Variants in ATL2 observed in about 807,000 individuals in gnomAD.
ATL2 encodes the protein atlastin-2.
Under a neutral mutation model 73.9 loss-of-function variants are expected in ATL2, and 31 were observed. The ratio of observed to expected loss-of-function variants is 0.42; its 90% CI spans 0.32 to 0.57. The LOEUF (loss-of-function observed/expected upper bound fraction) is 0.57, where lower values mean the gene tolerates loss of function less well. ATL2 is among the 20% of genes least tolerant of loss of function. ATL2 has a pLI of 0.14. For synonymous variants in ATL2, 291 were observed against 237.5 expected (o/e 1.23, Z -2.07); for missense variants, 738 against 702.6 (o/e 1.05, Z -0.57).
At chr2:38,340,849 C>T (rs141400642) in intron 2 of ATL2, among the ~76,000 whole-genome samples, 1 of 152,230 alleles carries the variant, frequency 6.6e-6, no homozygotes, top group African/African-American at 2.4e-5. Context: ...TAGGGCAATA[C>T]TATAAATGAA....
intron 1 of ATL2, among the ~76,000 whole-genome samples, chr2:38,363,288 C>G (rs1671114790): frequency 6.6e-6 from 1 of 151,144 alleles, no homozygotes; most frequent in Non-Finnish European, 1.5e-5. Context: ...GCTGAATAAA[C>G]TCAGATCTGA....
chr2:38,311,303 G>T (rs1667745017), intron 7 of ATL2, among the ~76,000 whole-genome samples: 1 of 151,934 alleles, frequency 6.6e-6, no homozygotes, highest in African/African-American at 2.4e-5. Context: ...AAGGGAAACT[G>T]CCATGTATTA....
At chr2:38,349,224 G>GT in intron 1 of ATL2, among the ~76,000 whole-genome samples, 1 of 152,140 alleles carries the variant, frequency 6.6e-6, no homozygotes, top group Admixed American at 6.5e-5. Context: ...ACATGCACAC[G>GT]TATGTTCGTT....
At chr2:38,324,987 A>T (rs1422678871) in intron 2 of ATL2, among the ~76,000 whole-genome samples, 1 of 152,208 alleles carries the variant, frequency 6.6e-6, no homozygotes, top group Non-Finnish European at 1.5e-5. Context: ...ATGTGAACAG[A>T]CTTAGTGCCA....
At chr2:38,319,916 T>G (rs1668227267) in intron 2 of ATL2, among the ~76,000 whole-genome samples, 1 of 152,152 alleles carries the variant, frequency 6.6e-6, no homozygotes, top group African/African-American at 2.4e-5. Context: ...GAGACCAGCC[T>G]GGCCAACATG....
In ATL2 at chr2:38,304,744, T is replaced by G. The variant is rs145240395; in HGVS notation, c.1072-4416A>C. ...CAGTGTTATCAGTTTAAAATAAATA[T>G]ATTATAGTTGCAAACCTCATGGTAA... On this transcript the variant is annotated intron_variant, in intron 9 of 12. Coordinates refer to ENST00000378954, the MANE Select transcript of ATL2 (RefSeq NM_001135673.4). 5.4e-3 allele frequency among the ~76,000 whole-genome samples: 822 copies of G among 152,256 alleles called. 3 individuals carry two copies. Among genetic ancestry groups the G allele is most frequent in the African/African-American group, 0.018 (748 of 41,544 alleles).
intron 1 of ATL2, among the ~76,000 whole-genome samples, chr2:38,347,736 T>C (rs1161423974): frequency 6.6e-6 from 1 of 151,802 alleles, no homozygotes; most frequent in Non-Finnish European, 1.5e-5. Context: ...AATTTAAGCA[T>C]TTTACTCAGG....
chr2:38,336,658 G>C (rs900637018), intron 2 of ATL2, among the ~76,000 whole-genome samples: 7 of 152,148 alleles, frequency 4.6e-5, no homozygotes, highest in African/African-American at 1.7e-4. Flanking sequence ...ATAGTTTTTA[G>C]AATAAAGGCT....
chr2:38,295,164 A>G lies in ATL2; in HGVS notation c.*830T>C, dbSNP rs957205179. ...AGGACCAGATTTTGCCATAAACTAC[A>G]AAACTTTTAATACAAAATCGTATTT... On this transcript the variant is annotated 3_prime_UTR_variant, in exon 13 of 13. Coordinates refer to ENST00000378954, the MANE Select transcript of ATL2 (RefSeq NM_001135673.4). 2 of 152,246 alleles carry G rather than the reference A, an allele frequency of 1.3e-5. No individual in the cohort carries two copies. Among genetic ancestry groups the G allele is most frequent in the African/African-American group, 4.8e-5 (2 of 41,456 alleles). 9.4% of individuals were successfully genotyped at this position (152,246 alleles called of 1,614,324 possible).
intron 7 of ATL2, among the ~76,000 whole-genome samples, chr2:38,311,607 A>T (rs530929929): frequency 1.1e-3 from 163 of 152,316 alleles, no homozygotes; most frequent in African/African-American, 3.8e-3. Flanking sequence ...ACTCAAATAC[A>T]TTCTGTATGT....
intron 2 of ATL2, among the ~76,000 whole-genome samples, chr2:38,327,164 A>T (rs1322696764): frequency 6.6e-6 from 1 of 152,186 alleles, no homozygotes; most frequent in Non-Finnish European, 1.5e-5. Flanking sequence ...TGTCGCCAAT[A>T]CGTCAGCAAA....
At chr2:38,371,578 GA>G (rs372346197) in intron 1 of ATL2, among the ~76,000 whole-genome samples, 3,640 of 146,904 alleles carry the variant, frequency 0.025, 58 homozygotes, top group African/African-American at 0.029. Context: ...CACTGGGAAG[GA>G]AAAAAAAAAA....
chr2:38,306,475 A>G (rs1667454183), intron 9 of ATL2, among the ~76,000 whole-genome samples: 1 of 152,242 alleles, frequency 6.6e-6, no homozygotes, highest in African/African-American at 2.4e-5. Flanking sequence ...CACTGTTGCA[A>G]AAATCCTCAA....
At chr2:38,365,303 C>T (rs1256921407) in intron 1 of ATL2, among the ~76,000 whole-genome samples, 2 of 152,114 alleles carry the variant, frequency 1.3e-5, no homozygotes, top group African/African-American at 4.8e-5. Flanking sequence ...GAAATTTAGA[C>T]ACTAAGTTCC....
Position 38,367,110 on chromosome 2 carries a change from G to A in ATL2, c.118+10033C>T, listed in dbSNP as rs183372173. 6.5e-3 allele frequency among the ~76,000 whole-genome samples: 981 copies of A among 151,642 alleles called. 4 individuals carry two copies. The highest frequency in any genetic ancestry group is 0.01 in the Non-Finnish European group (686 of 67,914). ...GCTGGGATTAAAGGCACGAGCCACCGCACACAGCCAAGACATTATCTTTTA... is the reference window on the plus strand; with the variant it reads ...GCTGGGATTAAAGGCACGAGCCACCACACACAGCCAAGACATTATCTTTTA... On this transcript the variant is annotated intron_variant, in intron 1 of 12. Coordinates refer to ENST00000378954, the MANE Select transcript of ATL2 (RefSeq NM_001135673.4).
chr2:38,317,415 T>C (rs1473418997), intron 4 of ATL2, among the ~76,000 whole-genome samples: 1 of 152,142 alleles, frequency 6.6e-6, no homozygotes, highest in Non-Finnish European at 1.5e-5. Context: ...CCAATCCATC[T>C]AAATTATACA....
intron 2 of ATL2, among the ~76,000 whole-genome samples, chr2:38,334,423 C>T (rs571627834): frequency 5.9e-5 from 9 of 151,640 alleles, no homozygotes; most frequent in Non-Finnish European, 1.0e-4. Context: ...TGGTCAAGGC[C>T]GGGCACGGTG....
chr2:38,352,020 G>A (rs1385726963), intron 1 of ATL2, among the ~76,000 whole-genome samples: 1 of 140,206 alleles, frequency 7.1e-6, no homozygotes. Flanking sequence ...GCTGAGGCAG[G>A]AGAATTGCTT....
intron 2 of ATL2, among the ~76,000 whole-genome samples, chr2:38,324,141 G>A (rs769642632): frequency 1.8e-4 from 28 of 152,154 alleles, no homozygotes; most frequent in Non-Finnish European, 3.5e-4. Flanking sequence ...AGCCAAGCAT[G>A]GTGGTGCATG....
Sources: gnomAD v4.1 joint callset for allele counts (sites outside exome capture counted in the v4.1 genomes callset) on GRCh38, gnomAD v4.1.1 for gene constraint, MANE v1.5 for transcripts, NCBI Gene and HGNC (gene_info 2026-07-23, HGNC 2026-07-21) for gene names.